The following SPDYE3 variants were observed in gnomAD, a reference collection of about 807,000 sequenced individuals.
The protein encoded by SPDYE3 is speedy/RINGO cell cycle regulator family member E3, also known as speedy protein E3.
A neutral mutation model predicts 55.0 loss-of-function variants in SPDYE3; 15 were observed. That is an observed-to-expected ratio of 0.27 (90% CI 0.18 to 0.42). The LOEUF (loss-of-function observed/expected upper bound fraction) is 0.42, where lower values mean the gene tolerates loss of function less well. SPDYE3 is among the 10% of genes least tolerant of loss of function. SPDYE3 has a pLI of 1.00. For missense variants in SPDYE3, 236 were observed against 576.7 expected (o/e 0.41, Z 6.05); for synonymous variants, 89 against 229.9 (o/e 0.39, Z 5.55).
chr7:100,318,698 C>G (rs897619208), intron 8 of SPDYE3, among the ~76,000 whole-genome samples: 4 of 149,526 alleles, frequency 2.7e-5, no homozygotes, highest in Non-Finnish European at 5.9e-5. Context: ...AGGCAGGGTC[C>G]TGGCAAAATA....
At chr7:100,316,665 C>T (rs562793233) in intron 7 of SPDYE3, among the ~76,000 whole-genome samples, 1 of 152,268 alleles carries the variant, frequency 6.6e-6, no homozygotes, top group East Asian at 1.9e-4. Context: ...ATGAGTGGCC[C>T]CTGCCTCTCC....
At chr7:100,311,442 C>T (rs1382240472) in intron 3 of SPDYE3, among the ~76,000 whole-genome samples, 22 of 132,630 alleles carry the variant, frequency 1.7e-4, no homozygotes, top group African/African-American at 5.1e-4. Flanking sequence ...GCTGAGATTG[C>T]ACCACTACAC....
At chr7:100,315,210 C>A (rs1438178972) in intron 6 of SPDYE3, among the ~76,000 whole-genome samples, 1 of 152,060 alleles carries the variant, frequency 6.6e-6, no homozygotes, top group African/African-American at 2.4e-5. Flanking sequence ...ACCCAGGAGG[C>A]AGAGGTTGCA....
Position 100,307,948 on chromosome 7 carries a change from C to T in SPDYE3, c.63C>T (p.Tyr21=), listed in dbSNP as rs761095223. The T allele has an allele frequency of 2.5e-6, 4 of 1,574,286 alleles. No homozygotes were observed. Among genetic ancestry groups the T allele is most frequent in the Middle Eastern group, 2.3e-4 (1 of 4,402 alleles). ...GCCCCCAGCGGAGCACCTCAGGGTA[C>T]CCCCTCCAGGAGGTGGTGGATGATG... ...EQSPQRSTSG[Y]PLQEVVDDEV... The change falls in exon 1 of 11, where the codon TAC becomes TAT. Residue 21 remains tyrosine (Y), a synonymous_variant. Coordinates refer to ENST00000332397, the MANE Select transcript of SPDYE3 (RefSeq NM_001004351.5).
intron 2 of SPDYE3, among the ~76,000 whole-genome samples, chr7:100,309,677 T>G (rs1387585345): frequency 3.5e-5 from 4 of 113,546 alleles, no homozygotes; most frequent in African/African-American, 1.3e-4. Flanking sequence ...GCCGAGATCG[T>G]GCTACTGCAC....
chr7:100,317,732 G>A (rs1432672585), intron 8 of SPDYE3, among the ~76,000 whole-genome samples: 3 of 151,530 alleles, frequency 2.0e-5, no homozygotes, highest in South Asian at 2.1e-4. Flanking sequence ...TTGGGAGGCC[G>A]AGGTGGGCAG....
chr7:100,319,507 T>C, intron 8 of SPDYE3, 58 bp from the exon 9 acceptor site: 11 of 1,612,674 alleles, frequency 6.8e-6, no homozygotes, highest in Non-Finnish European at 9.3e-6. Flanking sequence ...GAAGCTGACC[T>C]CAGCCGGAGG....
At chr7:100,319,880 A>C (rs1337103770) in intron 9 of SPDYE3, 51 bp from the exon 10 acceptor site, 63 of 1,607,894 alleles carry the variant, frequency 3.9e-5, no homozygotes, top group Middle Eastern at 3.6e-4. Flanking sequence ...GAGGGGAGAG[A>C]GGGGTATCCT....
intron 8 of SPDYE3, among the ~76,000 whole-genome samples, chr7:100,318,440 C>A (rs1220705765): frequency 6.6e-6 from 1 of 152,172 alleles, no homozygotes. Context: ...CTTCACTGCT[C>A]CTTCCAAATG....
intron 8 of SPDYE3, among the ~76,000 whole-genome samples, chr7:100,317,734 G>A (rs892432178): frequency 9.9e-5 from 15 of 151,656 alleles, no homozygotes; most frequent in African/African-American, 2.7e-4. Context: ...GGGAGGCCGA[G>A]GTGGGCAGAT....
At chr7:100,308,297 C>T (rs1189717526) in intron 1 of SPDYE3, among the ~76,000 whole-genome samples, 4 of 144,510 alleles carry the variant, frequency 2.8e-5, no homozygotes, top group Admixed American at 7.1e-5. Flanking sequence ...TGCTACTGCA[C>T]TCCAGTCTGG....
intron 8 of SPDYE3, among the ~76,000 whole-genome samples, chr7:100,318,393 C>G (rs897569931): frequency 3.3e-5 from 5 of 152,170 alleles, no homozygotes; most frequent in Admixed American, 2.0e-4. Flanking sequence ...ATCTCTACAA[C>G]CACACTGGCT....
chr7:100,307,978 G>C lies in SPDYE3; in HGVS notation c.93G>C (p.Val31=), dbSNP rs570727318. The C allele has an allele frequency of 2.0e-4, 305 of 1,557,630 alleles. 3 individuals are homozygous for C. In the East Asian group the frequency reaches 7.0e-3, roughly 36 times the overall value. ...YPLQEVVDDE[V]SGPSAPGVDP... ...TCCAGGAGGTGGTGGATGATGAAGT[G>C]TCGGGACCATCAGGTGAGGGGACTG... The change falls in exon 1 of 11, where the codon GTG becomes GTC. Residue 31 remains valine (V), a synonymous_variant. Transcript: ENST00000332397.
rs776542130 is a variant in SPDYE3 at position 100,315,795 on chromosome 7, C to T, written c.1212C>T (p.Val404=). Residue 404 remains valine (V), a synonymous_variant, in exon 7 of 11, where the codon GTC becomes GTT. Transcript: ENST00000332397. ...EAFNRLLEDP[V]IKRFLAWDKD... is the part of the protein sequence containing the mutation. ...GCTCTCTAATCACAGAGGATCCTGTCATTAAAAGATTCCTGGCCTGGGACA... is the reference window on the plus strand; with the variant it reads ...GCTCTCTAATCACAGAGGATCCTGTTATTAAAAGATTCCTGGCCTGGGACA... The T allele has an allele frequency of 1.9e-6, 3 of 1,599,386 alleles. No homozygotes were observed. In the Admixed American group the frequency reaches 5.0e-5, roughly 27 times the overall value.
intron 6 of SPDYE3, among the ~76,000 whole-genome samples, chr7:100,315,326 C>G (rs562854851): frequency 1.3e-5 from 2 of 152,112 alleles, no homozygotes; most frequent in South Asian, 2.1e-4. Context: ...CAAAGAAAAA[C>G]AAAATCAAAA....
In SPDYE3 at chr7:100,317,108, C is replaced by T. The variant is rs200153382; in HGVS notation, c.1299C>T (p.Ala433=). 1.6e-3 allele frequency: 2,557 copies of T among 1,611,464 alleles called. 9 individuals are homozygous for T. Among genetic ancestry groups the T allele is most frequent in the Middle Eastern group, 0.011 (48 of 4,428 alleles). The part of the protein sequence containing the change: ...LAMVIAYFSR[A]GLPSWQYQRI... Reference sequence around the variant, plus strand: ...TGGTCATAGCGTATTTCAGCCGGGCCGGCCTCCCCTCCTGGCAATACCAAC... The same window carrying T: ...TGGTCATAGCGTATTTCAGCCGGGCTGGCCTCCCCTCCTGGCAATACCAAC... The change falls in exon 8 of 11, where the codon GCC becomes GCT. Residue 433 remains alanine (A), a synonymous_variant. Transcript: ENST00000332397.
intron 6 of SPDYE3, among the ~76,000 whole-genome samples, chr7:100,315,269 ACT>A (rs1466249240): frequency 2.0e-5 from 3 of 152,090 alleles, no homozygotes; most frequent in African/African-American, 4.8e-5. Context: ...ACAGAGCAAG[ACT>A]CTGTCTCAAA....
Position 100,311,910 on chromosome 7 carries a change from G to A in SPDYE3, c.705G>A (p.Lys235=). The change falls in exon 4 of 11, where the codon AAG becomes AAA. Residue 235 remains lysine, a synonymous_variant. Coordinates refer to ENST00000332397, the MANE Select transcript of SPDYE3 (RefSeq NM_001004351.5). ...TGTGTGGCCTCAAGATGAAGGCGAA[G>A]CGACGGCGAGTGTCGCTCGTGCTCC... ...ETLCGLKMKA[K]RRRVSLVLPE... The A allele has an allele frequency of 6.7e-7, 1 of 1,499,396 alleles. No homozygotes were observed. The highest frequency in any genetic ancestry group is 9.0e-7 in the Non-Finnish European group (1 of 1,116,748). 92.9% of individuals were successfully genotyped at this position (1,499,396 alleles called of 1,614,324 possible).
chr7:100,320,252 G>C, intron 10 of SPDYE3: 5 of 1,175,430 alleles, frequency 4.3e-6, no homozygotes, highest in Non-Finnish European at 5.7e-6. Flanking sequence ...TGGGAGGTCG[G>C]GGCTGCAGGG....
Sources: gnomAD v4.1 joint callset for allele counts (sites outside exome capture counted in the v4.1 genomes callset) on GRCh38, gnomAD v4.1.1 for gene constraint, MANE v1.5 for transcripts, NCBI Gene and HGNC (gene_info 2026-07-23, HGNC 2026-07-21) for gene names.